The following LRRC8C variants were observed in gnomAD, a reference collection of about 807,000 sequenced individuals.
LRRC8C encodes volume-regulated anion channel subunit LRRC8C.
LRRC8C carries 20 observed loss-of-function variants against 55.3 expected under a neutral mutation model. The ratio of observed to expected loss-of-function variants is 0.36; its 90% CI spans 0.25 to 0.53. LRRC8C has a LOEUF of 0.53. LRRC8C is among the 20% of genes least tolerant of loss of function. LRRC8C has a pLI of 0.92. For missense variants in LRRC8C, 659 were observed against 951.4 expected (o/e 0.69, Z 4.04); for synonymous variants, 376 against 360.7 (o/e 1.04, Z -0.48).
intron 1 of LRRC8C, among the ~76,000 whole-genome samples, chr1:89,682,678 C>G (rs1657752761): frequency 6.6e-6 from 1 of 152,192 alleles, no homozygotes; most frequent in African/African-American, 2.4e-5. Flanking sequence ...TTCACTGGTA[C>G]ACACTTGAAA....
At position 89,719,190 on chromosome 1, in the gene LRRC8C, C is replaced by A. The variant is rs1015354546; in HGVS notation, c.*4208C>A. 6.6e-6 allele frequency: 1 copy of A among 152,124 alleles called. No homozygotes were observed. The highest frequency in any genetic ancestry group is 1.5e-5 in the Non-Finnish European group (1 of 68,000). The allele number at this position is 152,124 out of a possible 1,614,324, so 9.4% of individuals were successfully genotyped here. On this transcript the variant is annotated 3_prime_UTR_variant, in exon 3 of 3. Transcript: ENST00000370454. ...TATATAAATTTGGAAAACTTAATTT[C>A]TTGGCTGTGTTTGATAACAGTTCCT...
Position 89,715,468 on chromosome 1 carries a change from C to T in LRRC8C, c.*486C>T, listed in dbSNP as rs1658791685. On this transcript the variant is annotated 3_prime_UTR_variant, in exon 3 of 3. Coordinates refer to ENST00000370454, the MANE Select transcript of LRRC8C (RefSeq NM_032270.5). ...AAGACCTTCATTCAGTGGAACTTCA[C>T]ATAAGTGCATTGTCATAGAGTATTT... is the stretch of plus-strand genomic sequence containing the variant. The T allele has an allele frequency of 6.6e-6, 1 of 152,412 alleles. No homozygotes were observed. Among genetic ancestry groups the T allele is most frequent in the African/African-American group, 2.4e-5 (1 of 41,434 alleles). The allele number at this position is 152,412 out of a possible 1,614,324, so 9.4% of individuals were successfully genotyped here.
chr1:89,694,585 C>CTTTTTTTT (rs33917661), intron 2 of LRRC8C, among the ~76,000 whole-genome samples: 7 of 83,234 alleles, frequency 8.4e-5, no homozygotes, highest in South Asian at 4.3e-4. Flanking sequence ...TGCCCAGCTT[C>CTTTTTTTT]TTTTTTTTTT....
chr1:89,643,504 A>C (rs1005089266), intron 1 of LRRC8C, among the ~76,000 whole-genome samples: 1 of 152,246 alleles, frequency 6.6e-6, no homozygotes, highest in South Asian at 2.1e-4. Flanking sequence ...AAACCTATTT[A>C]TGTCACATTT....
At chr1:89,667,737 TTTTGA>T (rs1657311740) in intron 1 of LRRC8C, among the ~76,000 whole-genome samples, 1 of 152,136 alleles carries the variant, frequency 6.6e-6, no homozygotes, top group Non-Finnish European at 1.5e-5. Context: ...GTTTGCTATG[TTTTGA>T]TATGTCTTAA....
At chr1:89,691,341 G>A (rs145157760) in intron 2 of LRRC8C, among the ~76,000 whole-genome samples, 128 of 152,252 alleles carry the variant, frequency 8.4e-4, no homozygotes, top group African/African-American at 2.7e-3. Flanking sequence ...TTAATAAGAC[G>A]CATGAAGGGG....
chr1:89,677,045 CA>C (rs1485680083), intron 1 of LRRC8C, among the ~76,000 whole-genome samples: 1 of 152,152 alleles, frequency 6.6e-6, no homozygotes, highest in Non-Finnish European at 1.5e-5. Context: ...TCATGTAAAG[CA>C]AAAGCCTTGA....
In LRRC8C at chr1:89,659,048, GTTTTTTTT is replaced by G. The variant is rs771955175; in HGVS notation, c.-5+25733_-5+25740del. On this transcript the variant is annotated intron_variant, in intron 1 of 2. Coordinates refer to ENST00000370454, the MANE Select transcript of LRRC8C (RefSeq NM_032270.5). ...AAATTTTAGGTTGTGTCTTCTCCAG[GTTTTTTTT>G]TTTTTTGTGTGTGTGTGTGTGTGTG... is the stretch of plus-strand genomic sequence containing the variant. Among the ~76,000 whole-genome samples, 121 of 26,220 alleles carry G rather than the reference GTTTTTTTT, an allele frequency of 4.6e-3. 3 individuals carry two copies. The highest frequency in any genetic ancestry group is 0.02 in the Admixed American group (48 of 2,376). The allele number at this position is 26,220 out of a possible 152,430, so 17.2% of individuals were successfully genotyped here.
chr1:89,707,561 A>G (rs2101345038), intron 2 of LRRC8C, among the ~76,000 whole-genome samples: 1 of 152,036 alleles, frequency 6.6e-6, no homozygotes, highest in Non-Finnish European at 1.5e-5. Flanking sequence ...AGCCCAGGTA[A>G]ACTCTGTACA....
chr1:89,657,003 A>G (rs1245166998), intron 1 of LRRC8C, among the ~76,000 whole-genome samples: 1 of 152,236 alleles, frequency 6.6e-6, no homozygotes, highest in African/African-American at 2.4e-5. Flanking sequence ...GCTAGTAGCC[A>G]TAGAGCTAGA....
Position 89,713,317 on chromosome 1 carries a change from G to C in LRRC8C, c.747G>C (p.Arg249Ser). 1 of 1,614,188 alleles carries C rather than the reference G, an allele frequency of 6.2e-7. No individual in the cohort carries two copies. The highest frequency in any genetic ancestry group is 8.5e-7 in the Non-Finnish European group (1 of 1,180,036). Residue 249 changes from arginine (R) to serine (S), a missense_variant, in exon 3 of 3, where the codon AGG becomes AGC. By Grantham distance (110) the Arg-to-Ser change is moderately radical (BLOSUM62 -1). Around this residue, in one of 5 missense-constraint regions of LRRC8C, gnomAD observed 200 missense variants for 360.5 expected, o/e 0.55. Transcript: ENST00000370454. This position sits in a 1 kb window ranked among gnomAD's most constrained non-coding sequence, Gnocchi z 5.2. The stretch of plus-strand genomic sequence containing the variant: ...TATTTGAGAAGGTGAAGAAGTTCAG[G>C]CTGCATGTGGAAGAAGGTGATATTC... ...KALFEKVKKF[R>S]LHVEEGDILY...
chr1:89,625,835 T>C, the LRRC8C span, among the ~76,000 whole-genome samples: 1 of 152,190 alleles, frequency 6.6e-6, no homozygotes, highest in Admixed American at 6.5e-5. Context: ...CTGATGCCAC[T>C]GAAATTTGAG....
At chr1:89,671,416 A>G (rs1377028146) in intron 1 of LRRC8C, among the ~76,000 whole-genome samples, 2 of 149,982 alleles carry the variant, frequency 1.3e-5, no homozygotes, top group Middle Eastern at 3.2e-3. Context: ...ATCTCTGTGC[A>G]TAGCTCAGAA....
chr1:89,650,509 G>A (rs10922683), intron 1 of LRRC8C, among the ~76,000 whole-genome samples: 77,134 of 151,252 alleles, frequency 0.51, 20,461 homozygotes, highest in East Asian at 0.79. Context: ...AAAAAAAAAG[G>A]TATATTTCCC....
rs1026454829 is a variant in LRRC8C, at chr1:89,718,062, T to G, written c.*3080T>G. The G allele has an allele frequency of 1.3e-5, 2 of 152,210 alleles. No homozygotes were observed. The highest frequency in any genetic ancestry group is 1.5e-5 in the Non-Finnish European group (1 of 68,018). 9.4% of individuals were successfully genotyped at this position (152,210 alleles called of 1,614,324 possible). On this transcript the variant is annotated 3_prime_UTR_variant, in exon 3 of 3. Transcript: ENST00000370454. ...GGAACTCACCAAAGAAGACCACACC[T>G]CAGAAATTATTGCATTTTCTCATTA...
At chr1:89,674,744 G>A (rs1221677045) in intron 1 of LRRC8C, among the ~76,000 whole-genome samples, 3 of 152,120 alleles carry the variant, frequency 2.0e-5, no homozygotes, top group African/African-American at 4.8e-5. Flanking sequence ...TTAGTCAACC[G>A]TTAGTGTTTT....
intron 1 of LRRC8C, among the ~76,000 whole-genome samples, chr1:89,681,337 G>A (rs1287390111): frequency 6.6e-6 from 1 of 152,168 alleles, no homozygotes; most frequent in Non-Finnish European, 1.5e-5. Flanking sequence ...CTTTAGATTT[G>A]TAGTTTTTTA....
upstream of LRRC8C, among the ~76,000 whole-genome samples, chr1:89,628,955 C>T (rs1033031507): frequency 6.6e-6 from 1 of 152,172 alleles, no homozygotes; most frequent in African/African-American, 2.4e-5. Context: ...TAGACAGAGA[C>T]TTTGCTTCTG....
intron 1 of LRRC8C, among the ~76,000 whole-genome samples, chr1:89,642,253 A>G (rs764576175): frequency 2.6e-5 from 4 of 152,202 alleles, no homozygotes; most frequent in Non-Finnish European, 5.9e-5. Context: ...CTGCCTAAAA[A>G]GTTGAGATTC....
Sources: gnomAD v4.1 joint callset for allele counts (sites outside exome capture counted in the v4.1 genomes callset) on GRCh38, gnomAD v4.1.1 for gene constraint, gnomAD v4.1.1 regional missense constraint, Gnocchi (gnomAD v3.1) non-coding constraint, MANE v1.5 for transcripts, NCBI Gene and HGNC (gene_info 2026-07-23, HGNC 2026-07-21) for gene names.